Variants in SMURF1 observed in about 807,000 individuals in gnomAD.
SMURF1 encodes the protein SMAD specific E3 ubiquitin protein ligase 1.
SMURF1 carries 44 observed loss-of-function variants against 98.0 expected under a neutral mutation model. That is an observed-to-expected ratio of 0.45 (90% confidence interval 0.35 to 0.58). The LOEUF is 0.58. SMURF1 is among the 20% of genes least tolerant of loss of function. The probability of loss-of-function intolerance (pLI) is 0.00; values close to 1 mark genes in which losing one functional copy is unlikely to be tolerated. For missense variants in SMURF1, 687 were observed against 938.4 expected (o/e 0.73, Z 3.50); for synonymous variants, 396 against 374.9 (o/e 1.06, Z -0.65).
At chr7:99,126,347 CCT>C in intron 1 of SMURF1, among the ~76,000 whole-genome samples, 1 of 151,008 alleles carries the variant, frequency 6.6e-6, no homozygotes, top group Admixed American at 6.6e-5. Flanking sequence ...AGCATATATT[CCT>C]TTTTTTTTTT....
At chr7:99,101,340 C>T (rs1196879883) in intron 1 of SMURF1, among the ~76,000 whole-genome samples, 1 of 152,012 alleles carries the variant, frequency 6.6e-6, no homozygotes, top group Non-Finnish European at 1.5e-5. Context: ...CCACTGCACT[C>T]CAGCATGGGT....
chr7:99,119,106 T>C (rs1292927040), intron 1 of SMURF1, among the ~76,000 whole-genome samples: 1 of 134,492 alleles, frequency 7.4e-6, no homozygotes, highest in Non-Finnish European at 1.5e-5. Context: ...CAGGATATAT[T>C]GAGGAAAAAA....
At chr7:99,117,904 A>T (rs781120404) in intron 1 of SMURF1, among the ~76,000 whole-genome samples, 1 of 151,798 alleles carries the variant, frequency 6.6e-6, no homozygotes, top group African/African-American at 2.4e-5. Context: ...ACATGCTGAA[A>T]CCTGTCTCTA....
intron 10 of SMURF1, among the ~76,000 whole-genome samples, chr7:99,046,754 A>AC (rs556422658): frequency 9.5e-5 from 14 of 147,812 alleles, no homozygotes; most frequent in South Asian, 2.1e-4. Context: ...AAAAAAAAAA[A>AC]CCCAAACAAA....
chr7:99,049,059 C>G (rs1795671444), intron 9 of SMURF1: 1 of 152,968 alleles, frequency 6.5e-6, no homozygotes, highest in Non-Finnish European at 1.4e-5. Context: ...CCACTGCACT[C>G]CAGCCTGGGT....
intron 10 of SMURF1, 56 bp from the exon 11 acceptor site, chr7:99,045,857 G>A: frequency 7.1e-7 from 1 of 1,406,104 alleles, no homozygotes; most frequent in East Asian, 2.3e-5. Context: ...TTAAAGTTAT[G>A]AAAGGTCATT....
rs772381691 is a variant in SMURF1, at chr7:99,052,225, G to A, written c.701C>T (p.Pro234Leu). The change falls in exon 7 of 18, where the codon CCG (proline) becomes CTG (leucine). Residue 234 changes from proline (P) to leucine (L), a missense_variant. Physicochemically the swap from Pro to Leu is moderately conservative, Grantham distance 98. This residue lies in a region of SMURF1 where 415 missense variants were observed against 508.4 expected (regional missense o/e 0.82). Transcript: ENST00000361368. ...CTCACCGTAGCCTTCGGGCAGTTCC[G>A]GGGACTGGTGGCCGTGTGGTCGGTT... The part of the protein sequence containing the change: ...PQNRPHGHQS[P>L]ELPEGYEQRT... 4.1e-5 allele frequency: 64 copies of A among 1,576,534 alleles called. 1 individual carries two copies. The South Asian group carries it at 4.3e-4, about 10-fold the overall frequency.
At chr7:99,044,901 C>A (rs1488216123) in intron 11 of SMURF1, among the ~76,000 whole-genome samples, 2 of 152,158 alleles carry the variant, frequency 1.3e-5, no homozygotes, top group Admixed American at 1.3e-4. Context: ...TTTGGGAGGC[C>A]AAGATGGGAG....
In SMURF1 at chr7:99,037,100, A is replaced by G. The variant is rs1795176013; in HGVS notation, c.1776T>C (p.His592=). 3.1e-6 allele frequency: 5 copies of G among 1,614,124 alleles called. No homozygotes were observed. The highest frequency in any genetic ancestry group is 4.2e-6 in the Non-Finnish European group (5 of 1,180,032). The part of the protein sequence containing the change: ...QKGFNELIPQ[H]LLKPFDQKEL... The stretch of plus-strand genomic sequence containing the variant: ...CCTTCTGGTCAAAAGGCTTCAGCAG[A>G]TGTTGAGGGATGAGCTCATTGAACC... The change falls in exon 15 of 18, where the codon CAT becomes CAC. Residue 592 remains histidine, a synonymous_variant. Coordinates refer to ENST00000361368, the MANE Select transcript of SMURF1 (RefSeq NM_181349.3).
intron 1 of SMURF1, among the ~76,000 whole-genome samples, chr7:99,104,228 C>T (rs766810847): frequency 4.6e-5 from 7 of 152,090 alleles, no homozygotes; most frequent in South Asian, 2.1e-4. Flanking sequence ...TATTCTAAAA[C>T]GTTATATTTT....
rs945798784 is a variant in SMURF1 at position 99,038,270 on chromosome 7, G to A, written c.1688+118C>T. On this transcript the variant is annotated intron_variant, in intron 14 of 17. Coordinates refer to ENST00000361368, the MANE Select transcript of SMURF1 (RefSeq NM_181349.3). ...AAAGTCGCCTCTGTTCATGTGATCTGATCATAAGCACCAGCCATCAGGGAC... is the reference window on the plus strand; with the variant it reads ...AAAGTCGCCTCTGTTCATGTGATCTAATCATAAGCACCAGCCATCAGGGAC... 5 of 1,249,216 alleles carry A rather than the reference G, an allele frequency of 4.0e-6. No individual in the cohort carries two copies. In the Admixed American group the frequency reaches 1.1e-4, roughly 27 times the overall value. 77.4% of individuals were successfully genotyped at this position (1,249,216 alleles called of 1,614,324 possible).
chr7:99,040,173 A>G (rs1012208718), intron 13 of SMURF1, among the ~76,000 whole-genome samples: 4 of 152,180 alleles, frequency 2.6e-5, no homozygotes, highest in African/African-American at 7.2e-5. Context: ...TGTGTTGCCC[A>G]GGCTGGTGTC....
intron 1 of SMURF1, among the ~76,000 whole-genome samples, chr7:99,109,528 T>C (rs887776724): frequency 6.6e-6 from 1 of 152,222 alleles, no homozygotes; most frequent in Non-Finnish European, 1.5e-5. Context: ...ACAGGAGCCC[T>C]GCACCAAGCT....
intron 6 of SMURF1, among the ~76,000 whole-genome samples, chr7:99,054,213 A>T (rs1437773782): frequency 6.6e-6 from 1 of 152,160 alleles, no homozygotes; most frequent in Non-Finnish European, 1.5e-5. Context: ...CTGGGATTAC[A>T]GGCAGTTATA....
intron 1 of SMURF1, among the ~76,000 whole-genome samples, chr7:99,079,438 A>G (rs1796536140): frequency 6.6e-6 from 1 of 152,252 alleles, no homozygotes; most frequent in Non-Finnish European, 1.5e-5. Context: ...AGCTGCAAGA[A>G]TGAACACAGA....
chr7:99,030,855 G>A, intron 17 of SMURF1, 172 bp from the exon 18 acceptor site: 1 of 542,186 alleles, frequency 1.8e-6, no homozygotes, highest in Non-Finnish European at 3.3e-6. Context: ...CTAATACAAA[G>A]ATTTGTAATT....
At chr7:99,120,837 G>A (rs1246356683) in intron 1 of SMURF1, 1 of 149,048 alleles carries the variant, frequency 6.7e-6, no homozygotes, top group Non-Finnish European at 1.5e-5. Context: ...TTAAAATACA[G>A]ATAAATGTGT....
At chr7:99,036,839 G>GAGTT (rs773366731) in intron 15 of SMURF1, among the ~76,000 whole-genome samples, 19 of 152,240 alleles carry the variant, frequency 1.2e-4, no homozygotes, top group South Asian at 1.2e-3. Flanking sequence ...AGTTTCCCGG[G>GAGTT]AGTTAGTCAG....
intron 8 of SMURF1, chr7:99,051,122 C>T (rs1351223015): frequency 2.3e-6 from 2 of 883,390 alleles, no homozygotes; most frequent in Non-Finnish European, 3.5e-6. Flanking sequence ...GTGTAACCAA[C>T]TTCAACAATG....
Sources: allele counts gnomAD v4.1 joint callset (sites outside exome capture counted in the v4.1 genomes callset), GRCh38; gene constraint gnomAD v4.1.1; regional missense constraint gnomAD v4.1.1; transcripts MANE v1.5; gene names NCBI Gene and HGNC (gene_info 2026-07-23, HGNC 2026-07-21).